The following MAP3K20 variants were observed in gnomAD, a reference collection of about 807,000 sequenced individuals.
The protein encoded by MAP3K20 is mitogen-activated protein kinase kinase kinase 20, also known as HCCS-4.
Under a neutral mutation model 85.7 loss-of-function variants are expected in MAP3K20, and 40 were observed. That is an observed-to-expected ratio of 0.47 (90% CI 0.36 to 0.61). The LOEUF (loss-of-function observed/expected upper bound fraction) is 0.61, where lower values mean the gene tolerates loss of function less well. Ranked by LOEUF, MAP3K20 falls within the 20% of genes least tolerant of loss-of-function variation. The probability of loss-of-function intolerance (pLI) is 0.00; values close to 1 mark genes in which losing one functional copy is unlikely to be tolerated. For synonymous variants in MAP3K20, 325 were observed against 327.7 expected, an observed-to-expected ratio of 0.99 and a Z score of 0.09; for missense variants, 817 against 961.7, an observed-to-expected ratio of 0.85 and a Z score of 1.99.
rs1007402482 is a variant in MAP3K20 at position 173,233,846 on chromosome 2, A to G, written c.1203+1387A>G. ...TACGGACTCTCAGCACCCTTTGCGTAACAGTAACAGCTTGGCACTCACCCA... is the reference window on the plus strand; with the variant it reads ...TACGGACTCTCAGCACCCTTTGCGTGACAGTAACAGCTTGGCACTCACCCA... On this transcript the variant is annotated intron_variant, in intron 14 of 19. Coordinates refer to ENST00000375213, the MANE Select transcript of MAP3K20 (RefSeq NM_016653.3). Among the ~76,000 whole-genome samples, 3 of 152,288 alleles carry G rather than the reference A, an allele frequency of 2.0e-5. No individual in the cohort carries two copies. In the East Asian group the frequency reaches 5.8e-4, roughly 29 times the overall value.
intron 2 of MAP3K20, among the ~76,000 whole-genome samples, chr2:173,100,874 A>T (rs1263595883): frequency 6.6e-6 from 1 of 152,192 alleles, no homozygotes; most frequent in African/African-American, 2.4e-5. Context: ...GAACATAGTC[A>T]TCATCCGGAA....
At chr2:173,228,027 G>C (rs765010017) in intron 11 of MAP3K20, among the ~76,000 whole-genome samples, 1 of 152,138 alleles carries the variant, frequency 6.6e-6, no homozygotes, top group Non-Finnish European at 1.5e-5. Context: ...CATTATTAAA[G>C]CAAGTGAATG....
intron 16 of MAP3K20, among the ~76,000 whole-genome samples, chr2:173,240,058 G>A (rs1367601798): frequency 1.3e-5 from 2 of 152,196 alleles, no homozygotes; most frequent in South Asian, 2.1e-4. Context: ...AATAGCTAAT[G>A]ATAATAATGA....
At chr2:173,156,186 A>G (rs1689462998) in intron 2 of MAP3K20, among the ~76,000 whole-genome samples, 1 of 152,228 alleles carries the variant, frequency 6.6e-6, no homozygotes, top group African/African-American at 2.4e-5. Context: ...GAGCTGCCAT[A>G]TTGGGATTCT....
At chr2:173,265,208 T>C (rs1685391397) in intron 19 of MAP3K20, among the ~76,000 whole-genome samples, 1 of 152,210 alleles carries the variant, frequency 6.6e-6, no homozygotes, top group Non-Finnish European at 1.5e-5. Context: ...ACTATCTGCG[T>C]GAGCAGGGGG....
chr2:173,172,579 G>T (rs961775193), intron 3 of MAP3K20, among the ~76,000 whole-genome samples: 1 of 152,076 alleles, frequency 6.6e-6, no homozygotes, highest in Admixed American at 6.6e-5. Flanking sequence ...GTATGTGTGT[G>T]TATACTTGTG....
chr2:173,088,539 G>T (rs1232144392), intron 1 of MAP3K20, among the ~76,000 whole-genome samples: 1 of 152,240 alleles, frequency 6.6e-6, no homozygotes, highest in Non-Finnish European at 1.5e-5. Flanking sequence ...TAAAGGAGTT[G>T]AAATTAGTTG....
At chr2:173,184,276 T>G (rs895108855) in intron 4 of MAP3K20, among the ~76,000 whole-genome samples, 6 of 152,230 alleles carry the variant, frequency 3.9e-5, no homozygotes, top group African/African-American at 1.4e-4. Flanking sequence ...AATGCATATA[T>G]AGGTAGTACT....
At chr2:173,236,718 G>C (rs77303681) in intron 14 of MAP3K20, among the ~76,000 whole-genome samples, 2,049 of 152,270 alleles carry the variant, frequency 0.013, 28 homozygotes, top group South Asian at 0.043. Flanking sequence ...GTTTATATGA[G>C]AGGGAAAGAT....
chr2:173,155,892 A>G (rs1689454210), intron 2 of MAP3K20, among the ~76,000 whole-genome samples: 1 of 152,166 alleles, frequency 6.6e-6, no homozygotes, highest in African/African-American at 2.4e-5. Context: ...CTTCCTTAGG[A>G]TTCCTGTATT....
intron 2 of MAP3K20, among the ~76,000 whole-genome samples, chr2:173,147,461 G>A (rs1468152544): frequency 6.6e-6 from 1 of 152,162 alleles, no homozygotes; most frequent in African/African-American, 2.4e-5. Context: ...CTTCAAGTGG[G>A]GTTGGGAAAT....
At chr2:173,096,714 TAG>T (rs1217739930) in intron 2 of MAP3K20, among the ~76,000 whole-genome samples, 3 of 152,248 alleles carry the variant, frequency 2.0e-5, no homozygotes, top group Non-Finnish European at 2.9e-5. Flanking sequence ...TATGTGGCTG[TAG>T]AGTGTTTAAT....
rs772544816 is a variant in MAP3K20 at position 173,229,752 on chromosome 2, TGCC to T, written c.1032+20_1032+22del. On this transcript the variant is annotated intron_variant, in intron 12 of 19. Transcript: ENST00000375213. ...CGATGTGGTAAGCTCTTTGTATTCATGCCTTATTTGACTTGAGCAGGTATTTCA... is the reference window on the plus strand; with the variant it reads ...CGATGTGGTAAGCTCTTTGTATTCATTTATTTGACTTGAGCAGGTATTTCA... The T allele has an allele frequency of 1.2e-6, 2 of 1,613,760 alleles. No individual in the cohort carries two copies. Among genetic ancestry groups the T allele is most frequent in the African/African-American group, 2.7e-5 (2 of 74,908 alleles).
chr2:173,263,981 T>C (rs1317880382), intron 19 of MAP3K20, 86 bp downstream of exon 19: 1 of 1,498,892 alleles, frequency 6.7e-7, no homozygotes. Flanking sequence ...ACTCAGAGGA[T>C]ACCACCTCAA....
At chr2:173,099,980 C>G (rs1033808751) in intron 2 of MAP3K20, among the ~76,000 whole-genome samples, 7 of 152,352 alleles carry the variant, frequency 4.6e-5, no homozygotes, top group Non-Finnish European at 8.8e-5. Flanking sequence ...ATCTTCACAA[C>G]TGTACCCCAC....
intron 2 of MAP3K20, among the ~76,000 whole-genome samples, chr2:173,111,703 T>C (rs1043397183): frequency 6.6e-6 from 1 of 152,202 alleles, no homozygotes; most frequent in Admixed American, 6.5e-5. Context: ...CTTTATGTTT[T>C]TGTTTGCTTT....
rs188091371 is a variant in MAP3K20, at chr2:173,185,187, G to A, written c.349+2232G>A. Among the ~76,000 whole-genome samples the A allele has an allele frequency of 2.3e-3, 350 of 152,280 alleles. 3 individuals are homozygous for A. Among genetic ancestry groups the A allele is most frequent in the African/African-American group, 7.8e-3 (325 of 41,562 alleles). On this transcript the variant is annotated intron_variant, in intron 4 of 19. Transcript: ENST00000375213. Reference sequence around the variant, plus strand: ...ACCTGGGAGGCGGAGGTTGCGGTGAGCCAAGATTGGGCCATTGCACTCCAG... The same window carrying A: ...ACCTGGGAGGCGGAGGTTGCGGTGAACCAAGATTGGGCCATTGCACTCCAG...
At chr2:173,221,420 A>G in intron 11 of MAP3K20, 1 of 1,614,150 alleles carries the variant, frequency 6.2e-7, no homozygotes, top group South Asian at 1.1e-5. Context: ...GAGAAGGGGG[A>G]AGAAAGTCAA....
chr2:173,177,443 A>ATTTTTT (rs71403359), intron 3 of MAP3K20, among the ~76,000 whole-genome samples: 207 of 126,544 alleles, frequency 1.6e-3, no homozygotes, highest in Non-Finnish European at 2.6e-3. Context: ...ATCACAATAG[A>ATTTTTT]TTTTTTTTTT....
Sources: gnomAD v4.1 joint callset for allele counts (sites outside exome capture counted in the v4.1 genomes callset) on GRCh38, gnomAD v4.1.1 for gene constraint, MANE v1.5 for transcripts, NCBI Gene and HGNC (gene_info 2026-07-23, HGNC 2026-07-21) for gene names.